Variants in COL4A5 observed in about 807,000 individuals in gnomAD.
COL4A5 encodes the protein collagen alpha-5(IV) chain.
In COL4A5, 26 loss-of-function variants were observed where a neutral mutation model predicts 130.2. The observed-to-expected ratio is 0.20, with a 90% CI of 0.15 to 0.28. The LOEUF (loss-of-function observed/expected upper bound fraction) is 0.28. COL4A5 is among the 10% of genes least tolerant of loss of function. COL4A5 has a pLI of 1.00. For synonymous variants in COL4A5, 496 were observed against 439.6 expected (o/e 1.13, Z -1.60); for missense variants, 1,131 against 1,344.3 (o/e 0.84, Z 2.48).
rs1474837140 is a variant in COL4A5, at chrX:108,644,926, A to C, written c.3247-10405A>C. Among the ~76,000 whole-genome samples, 345 of 105,960 alleles carry C rather than the reference A, an allele frequency of 3.3e-3. 1 individual carries two copies. Among genetic ancestry groups the C allele is most frequent in the African/African-American group, 0.012 (329 of 27,247 alleles). The allele number at this position is 105,960 out of a possible 115,157, so 92.0% of individuals were successfully genotyped here. A position where few individuals can be genotyped will look rare whatever the true frequency, so the allele number is the denominator to read the frequency against. ...AAACAACAACAACAACAACAAAAAA[A>C]AAAAAAAAAAAGAAAGCAAAGAAAA... On this transcript the variant is annotated intron_variant, in intron 36 of 52. Transcript: ENST00000328300.
chrX:108,453,625 A>G (rs1462429950), intron 1 of COL4A5, among the ~76,000 whole-genome samples: 1 of 111,723 alleles, frequency 9.0e-6, no homozygotes, highest in East Asian at 2.8e-4. Context: ...TAAGAGAGTA[A>G]AAAGGTCTTG....
At chrX:108,623,680 T>G (rs1603298284) in intron 33 of COL4A5, among the ~76,000 whole-genome samples, 2 of 111,900 alleles carry the variant, frequency 1.8e-5, no homozygotes, top group Admixed American at 9.5e-5. Flanking sequence ...TATGTGTATG[T>G]GAGTGTACAC....
intron 3 of COL4A5, among the ~76,000 whole-genome samples, chrX:108,559,668 C>T (rs983865172): frequency 3.6e-5 from 4 of 111,790 alleles, no homozygotes; most frequent in Non-Finnish European, 7.5e-5. Context: ...ACGAAAAGCT[C>T]CTGCAGTTGT....
intron 1 of COL4A5, among the ~76,000 whole-genome samples, chrX:108,511,113 G>T (rs776147924): frequency 4.5e-5 from 5 of 111,420 alleles, no homozygotes; most frequent in African/African-American, 6.5e-5. Context: ...TTAATATTGT[G>T]TCACTACATT....
intron 36 of COL4A5, among the ~76,000 whole-genome samples, chrX:108,644,164 G>A (rs1458334749): frequency 8.9e-6 from 1 of 111,991 alleles, no homozygotes; most frequent in East Asian, 2.8e-4. Flanking sequence ...ATGCTAAAGG[G>A]CCTTGTCCAA....
intron 36 of COL4A5, chrX:108,627,256 T>C (rs1233655420): frequency 3.4e-6 from 2 of 591,085 alleles, no homozygotes; most frequent in East Asian, 1.7e-4. Context: ...TAAAAAATAA[T>C]ATAGACATAT....
At chrX:108,626,695 A>G (rs767273126) in intron 36 of COL4A5, 1 of 936,365 alleles carries the variant, frequency 1.1e-6, no homozygotes, top group East Asian at 5.8e-5. Context: ...ATTATTAACT[A>G]ATTTGAAAAG....
At chrX:108,650,620 A>G (rs974382312) in intron 36 of COL4A5, among the ~76,000 whole-genome samples, 2 of 111,283 alleles carry the variant, frequency 1.8e-5, no homozygotes, top group Non-Finnish European at 3.8e-5. Context: ...AATTAATGGC[A>G]TTTGCAGCGA....
chrX:108,577,128 T>A (rs1461049260), intron 10 of COL4A5, among the ~76,000 whole-genome samples: 1 of 108,105 alleles, frequency 9.3e-6, no homozygotes, highest in Non-Finnish European at 1.9e-5. Flanking sequence ...CCCGGCACTT[T>A]GGGAGGCTAA....
At chrX:108,459,260 G>A (rs1333633301) in intron 1 of COL4A5, among the ~76,000 whole-genome samples, 1 of 111,045 alleles carries the variant, frequency 9.0e-6, no homozygotes, top group Non-Finnish European at 1.9e-5. Context: ...TATGTCTTCT[G>A]TGAATTAAGA....
intron 44 of COL4A5, among the ~76,000 whole-genome samples, chrX:108,678,441 AC>A (rs1388503873): frequency 8.9e-6 from 1 of 111,908 alleles, no homozygotes; most frequent in East Asian, 2.8e-4. Context: ...ATTTCCAGAA[AC>A]AATTAAGAGT....
intron 1 of COL4A5, among the ~76,000 whole-genome samples, chrX:108,500,357 AT>A (rs1472760958): frequency 9.0e-6 from 1 of 111,439 alleles, no homozygotes; most frequent in Non-Finnish European, 1.9e-5. Flanking sequence ...TCCAGGTTTT[AT>A]TTTTTTCTTC....
intron 47 of COL4A5, 28 bp downstream of exon 47, chrX:108,681,916 A>G: frequency 8.5e-7 from 1 of 1,175,462 alleles, no homozygotes; most frequent in Non-Finnish European, 1.2e-6. Flanking sequence ...CTTTATTATC[A>G]TTATTATACT....
At chrX:108,491,531 G>T (rs896042158) in intron 1 of COL4A5, among the ~76,000 whole-genome samples, 3 of 111,374 alleles carry the variant, frequency 2.7e-5, no homozygotes, top group Non-Finnish European at 5.7e-5. Context: ...AATACTCTCA[G>T]AATCAACTTT....
intron 44 of COL4A5, 135 bp from the exon 45 acceptor site, chrX:108,680,544 C>A (rs1455705303): frequency 3.7e-6 from 2 of 538,015 alleles, no homozygotes; most frequent in Non-Finnish European, 6.4e-6. Flanking sequence ...TAATATAAGG[C>A]AAAATTGAGA....
chrX:108,674,666 A>G, intron 42 of COL4A5, 79 bp from the exon 43 acceptor site: 15 of 998,280 alleles, frequency 1.5e-5, no homozygotes, highest in South Asian at 1.4e-4. Flanking sequence ...CTTCTAACTC[A>G]TAATCTTATT....
At chrX:108,626,846 CAAATT>C (rs1471775370) in intron 36 of COL4A5, 1 of 770,633 alleles carries the variant, frequency 1.3e-6, no homozygotes. Context: ...CTCAAGTAAT[CAAATT>C]TAGAATTTGT....
At chrX:108,524,945 T>C (rs2065298832) in intron 1 of COL4A5, among the ~76,000 whole-genome samples, 1 of 111,803 alleles carries the variant, frequency 8.9e-6, no homozygotes, top group Admixed American at 9.5e-5. Context: ...TATGCATTCT[T>C]GAGAAAAAGG....
At chrX:108,518,402 A>G (rs1870592991) in intron 1 of COL4A5, among the ~76,000 whole-genome samples, 1 of 111,341 alleles carries the variant, frequency 9.0e-6, no homozygotes, top group Non-Finnish European at 1.9e-5. Flanking sequence ...AACTACTGGT[A>G]AAGAAGCAAT....
Sources: gnomAD v4.1 joint callset for allele counts (sites outside exome capture counted in the v4.1 genomes callset) on GRCh38, gnomAD v4.1.1 for gene constraint, MANE v1.5 for transcripts, NCBI Gene and HGNC (gene_info 2026-07-23, HGNC 2026-07-21) for gene names.